MMP26: variants seen among roughly 807,000 people sequenced by gnomAD.
MMP26 encodes matrix metallopeptidase 26.
MMP26 carries 33 observed loss-of-function variants against 31.0 expected under a neutral mutation model. That is an observed-to-expected ratio of 1.06 (90% CI 0.81 to 1.42). The LOEUF is 1.42. MMP26 is among the 40% of genes most tolerant of loss of function. The pLI, the probability that MMP26 is intolerant of heterozygous loss-of-function variation, is 0.00. For synonymous variants in MMP26, 122 were observed against 114.9 expected (o/e 1.06, Z -0.40); for missense variants, 347 against 316.1 (o/e 1.10, Z -0.74).
intron 2 of MMP26, among the ~76,000 whole-genome samples, chr11:4,816,129 G>C (rs1457657728): frequency 6.6e-6 from 1 of 152,068 alleles, no homozygotes; most frequent in Non-Finnish European, 1.5e-5. Flanking sequence ...TTATCAACCT[G>C]TTGGTTGTTC....
At chr11:4,907,028 G>A (rs563820868) in intron 2 of MMP26, among the ~76,000 whole-genome samples, 434 of 139,054 alleles carry the variant, frequency 3.1e-3, no homozygotes, top group African/African-American at 9.9e-3. Flanking sequence ...CGCGGGAGGT[G>A]GAGGTTGCAG....
rs1221913820 is a variant in MMP26 at position 4,953,924 on chromosome 11, C to T, written c.-144-34144C>T. On this transcript the variant is annotated intron_variant, in intron 2 of 7. Coordinates refer to ENST00000380390, the MANE Select transcript of MMP26 (RefSeq NM_021801.5). The stretch of plus-strand genomic sequence containing the variant: ...AAAATCAGCCAGGCGTGGTGACATG[C>T]GCCTGTAATCCTAGATACTCGGGAG... 3.2e-5 allele frequency among the ~76,000 whole-genome samples: 4 copies of T among 124,722 alleles called. 1 individual carries two copies. In the South Asian group the frequency reaches 9.6e-4, roughly 30 times the overall value. The allele number at this position is 124,722 out of a possible 152,430, so 81.8% of individuals were successfully genotyped here. A position where few individuals can be genotyped will look rare whatever the true frequency, so the allele number is the denominator to read the frequency against.
chr11:4,933,565 G>GTTTTTTT (rs71050440), intron 2 of MMP26, among the ~76,000 whole-genome samples: 2 of 149,384 alleles, frequency 1.3e-5, no homozygotes, highest in Non-Finnish European at 3.0e-5. Context: ...TGTTTGTTTT[G>GTTTTTTT]TTTTTTTTAT....
chr11:4,942,354 C>A (rs1019168849), intron 2 of MMP26, among the ~76,000 whole-genome samples: 5 of 151,722 alleles, frequency 3.3e-5, no homozygotes, highest in Admixed American at 3.3e-4. Context: ...ATCTTCTATT[C>A]TTGTTACTTT....
rs1850396081 is a variant in MMP26 at position 4,877,282 on chromosome 11, C to T, written c.-145+109941C>T. Reference sequence around the variant, plus strand: ...GAAGACAGGCTCAAGGCTCTCAACACCTGTCTCTCTCATATCTGCAGTGCT... The same window carrying T: ...GAAGACAGGCTCAAGGCTCTCAACATCTGTCTCTCTCATATCTGCAGTGCT... On this transcript the variant is annotated intron_variant, in intron 2 of 7. Transcript: ENST00000380390. The T allele has an allele frequency of 1.3e-5, 2 of 152,242 alleles. 1 individual carries two copies. The highest frequency in any genetic ancestry group is 4.1e-4 in the South Asian group (2 of 4,832). The allele number at this position is 152,242 out of a possible 1,614,324, so 9.4% of individuals were successfully genotyped here.
intron 1 of MMP26, among the ~76,000 whole-genome samples, chr11:4,743,133 AATT>A (rs1018852463): frequency 6.6e-6 from 1 of 152,250 alleles, no homozygotes; most frequent in Non-Finnish European, 1.5e-5. Flanking sequence ...CATGTATGTG[AATT>A]ATTAAAAAGG....
intron 2 of MMP26, among the ~76,000 whole-genome samples, chr11:4,835,262 T>C (rs1175485344): frequency 6.8e-6 from 1 of 147,828 alleles, no homozygotes; most frequent in Admixed American, 6.7e-5. Context: ...TTCTGGTTGC[T>C]ATCCTGGAGA....
chr11:4,782,182 A>G (rs1848873576), intron 2 of MMP26, among the ~76,000 whole-genome samples: 2 of 152,182 alleles, frequency 1.3e-5, no homozygotes, highest in South Asian at 4.1e-4. Flanking sequence ...TCAGAAGAAG[A>G]CAGGAAAATG....
intron 2 of MMP26, among the ~76,000 whole-genome samples, chr11:4,806,953 C>A (rs1183034641): frequency 2.0e-5 from 3 of 152,102 alleles, no homozygotes; most frequent in Non-Finnish European, 4.4e-5. Flanking sequence ...TGGGGACAGT[C>A]CCCCAGCTTC....
chr11:4,896,601 T>G (rs1186215535), intron 2 of MMP26, among the ~76,000 whole-genome samples: 1 of 152,206 alleles, frequency 6.6e-6, no homozygotes, highest in Non-Finnish European at 1.5e-5. Flanking sequence ...AGAAATCACT[T>G]AACCCTAGAT....
chr11:4,792,177 T>A (rs1849036129), intron 2 of MMP26, among the ~76,000 whole-genome samples: 1 of 147,026 alleles, frequency 6.8e-6, no homozygotes. Context: ...AAAGTACAAG[T>A]GTTTGACTCA....
Position 4,923,533 on chromosome 11 carries a change from A to T in MMP26, c.-144-64535A>T, listed in dbSNP as rs746111031. 2.5e-6 allele frequency: 4 copies of T among 1,614,064 alleles called. No homozygotes were observed. In the African/African-American group the frequency reaches 4.0e-5, roughly 16 times the overall value. ...TGAAGAGGTGTACAACGCGGGGCAGATGTTCACCAAAGCGATGCACAAGAG... is the reference window on the plus strand; with the variant it reads ...TGAAGAGGTGTACAACGCGGGGCAGTTGTTCACCAAAGCGATGCACAAGAG... On this transcript the variant is annotated intron_variant, in intron 2 of 7. Transcript: ENST00000380390.
At chr11:4,794,677 G>C (rs1849080779) in intron 2 of MMP26, among the ~76,000 whole-genome samples, 1 of 152,124 alleles carries the variant, frequency 6.6e-6, no homozygotes, top group Non-Finnish European at 1.5e-5. Context: ...GGGCTATTTT[G>C]CAAGCTAGTA....
At chr11:4,769,656 A>G in intron 2 of MMP26, 1 of 1,613,138 alleles carries the variant, frequency 6.2e-7, no homozygotes, top group Non-Finnish European at 8.5e-7. Flanking sequence ...GCCTCAAACC[A>G]GAGGATACCT....
chr11:4,752,171 T>C (rs1848454544), intron 1 of MMP26: 1 of 151,696 alleles, frequency 6.6e-6, no homozygotes, highest in Admixed American at 6.6e-5. Context: ...GCACATAGGG[T>C]GGGGCATGTT....
intron 2 of MMP26, among the ~76,000 whole-genome samples, chr11:4,829,828 C>T (rs1564789822): frequency 2.0e-5 from 3 of 152,294 alleles, no homozygotes; most frequent in East Asian, 3.9e-4. Flanking sequence ...CAGTGACTGG[C>T]TTATGTTGAG....
chr11:4,789,298 T>G (rs2133440992), intron 2 of MMP26, among the ~76,000 whole-genome samples: 1 of 152,278 alleles, frequency 6.6e-6, no homozygotes, highest in African/African-American at 2.4e-5. Context: ...CTCTTACATT[T>G]TATTGTAATT....
intron 1 of MMP26, chr11:4,723,909 G>T (rs1848058398): frequency 1.9e-6 from 2 of 1,030,312 alleles, no homozygotes; most frequent in South Asian, 2.5e-5. Flanking sequence ...TCTCCTGGGT[G>T]CGCATGGCCT....
At chr11:4,885,931 A>C (rs114705219) in intron 2 of MMP26, among the ~76,000 whole-genome samples, 2,352 of 152,104 alleles carry the variant, frequency 0.015, 70 homozygotes, top group African/African-American at 0.055. Flanking sequence ...TGCTAGTTTA[A>C]TTACTTATTT....
Sources: gnomAD v4.1 joint callset for allele counts (sites outside exome capture counted in the v4.1 genomes callset) on GRCh38, gnomAD v4.1.1 for gene constraint, MANE v1.5 for transcripts, NCBI Gene and HGNC (gene_info 2026-07-23, HGNC 2026-07-21) for gene names.